Variants in SV2B observed in about 807,000 individuals in gnomAD.
SV2B encodes solute carrier family 22 member B2.
A neutral mutation model predicts 73.9 loss-of-function variants in SV2B; 41 were observed. The ratio of observed to expected loss-of-function variants is 0.56; its 90% CI spans 0.43 to 0.72. SV2B has a LOEUF of 0.72. Among genes scored for constraint, SV2B ranks in the 30% least tolerant of loss-of-function variants. The pLI, the probability that SV2B is intolerant of heterozygous loss-of-function variation, is 0.00. For synonymous variants in SV2B, 314 were observed against 314.2 expected, an observed-to-expected ratio of 1.00 and a Z score of 0.01; for missense variants, 764 against 857.8, an observed-to-expected ratio of 0.89 and a Z score of 1.37.
At chr15:91,221,477 C>G (rs563413486) in intron 1 of SV2B, among the ~76,000 whole-genome samples, 38 of 152,148 alleles carry the variant, frequency 2.5e-4, no homozygotes, top group Admixed American at 1.3e-3. Flanking sequence ...ATCTTAATTA[C>G]ACAGGAATTA....
intron 2 of SV2B, among the ~76,000 whole-genome samples, chr15:91,251,169 C>A (rs752668252): frequency 1.3e-5 from 2 of 152,174 alleles, no homozygotes; most frequent in Non-Finnish European, 1.5e-5. Flanking sequence ...CAATTGATTT[C>A]CAACAAAAGT....
At chr15:91,177,220 C>G (rs2044346852) in intron 1 of SV2B, among the ~76,000 whole-genome samples, 1 of 151,960 alleles carries the variant, frequency 6.6e-6, no homozygotes, top group African/African-American at 2.4e-5. Flanking sequence ...GGCATTATTT[C>G]TGAGGGCTCT....
intron 1 of SV2B, among the ~76,000 whole-genome samples, chr15:91,217,839 T>G (rs924809346): frequency 6.6e-6 from 1 of 152,232 alleles, no homozygotes; most frequent in Non-Finnish European, 1.5e-5. Context: ...AGTGACTTCA[T>G]TCATGCTCCC....
In SV2B at chr15:91,177,296, C is replaced by G. The variant is rs1258903700; in HGVS notation, c.-391-48577C>G. ...ACCATGCTGTTTTGGTTACTGTAGCCTTGTAGTATAGTTTGAAGTCAGGGA... is the reference window on the plus strand; with the variant it reads ...ACCATGCTGTTTTGGTTACTGTAGCGTTGTAGTATAGTTTGAAGTCAGGGA... On this transcript the variant is annotated intron_variant, in intron 1 of 12. Coordinates refer to ENST00000394232, the MANE Select transcript of SV2B (RefSeq NM_001323032.3). 2.6e-5 allele frequency among the ~76,000 whole-genome samples: 4 copies of G among 151,626 alleles called. No individual in the cohort carries two copies. In the East Asian group the frequency reaches 7.7e-4, roughly 29 times the overall value.
chr15:91,155,909 C>T (rs2043474733), intron 1 of SV2B, among the ~76,000 whole-genome samples: 1 of 151,972 alleles, frequency 6.6e-6, no homozygotes, highest in Admixed American at 6.6e-5. Flanking sequence ...CCCACGTGGC[C>T]ACTCTGTAGA....
intron 1 of SV2B, among the ~76,000 whole-genome samples, chr15:91,166,580 T>A (rs533070858): frequency 3.6e-4 from 55 of 152,096 alleles, no homozygotes; most frequent in African/African-American, 1.2e-3. Flanking sequence ...GAGACCCTGA[T>A]AGCATGAATT....
At chr15:91,248,088 G>A (rs1447608736) in intron 2 of SV2B, among the ~76,000 whole-genome samples, 2 of 152,142 alleles carry the variant, frequency 1.3e-5, no homozygotes, top group African/African-American at 4.8e-5. Flanking sequence ...TTGGGAGGCC[G>A]AGGTGGGCGG....
chr15:91,193,487 C>T (rs2045123275), intron 1 of SV2B, among the ~76,000 whole-genome samples: 1 of 152,210 alleles, frequency 6.6e-6, no homozygotes, highest in African/African-American at 2.4e-5. Context: ...GCTTCCTTCT[C>T]TTTCTTGGAG....
In SV2B at chr15:91,117,764, G is replaced by A. The variant is rs762469128; in HGVS notation, c.-392+17401G>A. ...AGTGCGAAAGTATACTCTTCTCACAGTAGAAGACATGGCAAAGTGACATGG... is the reference window on the plus strand; with the variant it reads ...AGTGCGAAAGTATACTCTTCTCACAATAGAAGACATGGCAAAGTGACATGG... On this transcript the variant is annotated intron_variant, in intron 1 of 12. Coordinates refer to ENST00000394232, the MANE Select transcript of SV2B (RefSeq NM_001323032.3). 1.0e-3 allele frequency among the ~76,000 whole-genome samples: 156 copies of A among 152,286 alleles called. 2 individuals are homozygous for A. Among genetic ancestry groups the A allele is most frequent in the Non-Finnish European group, 2.9e-4 (20 of 68,024 alleles).
chr15:91,268,187 AC>A lies in SV2B; in HGVS notation c.1209-250del, dbSNP rs2048171109. Among the ~76,000 whole-genome samples, 1 of 152,314 alleles carries A rather than the reference AC, an allele frequency of 6.6e-6. No homozygotes were observed. The highest frequency in any genetic ancestry group is 1.9e-4 in the East Asian group (1 of 5,190). On this transcript the variant is annotated intron_variant, in intron 8 of 12. Coordinates refer to ENST00000394232, the MANE Select transcript of SV2B (RefSeq NM_001323032.3). This position sits in a 1 kb window ranked among gnomAD's most constrained non-coding sequence, Gnocchi z 4.4. ...TTACATGTTAAGGAGGTGTCCCTCA[AC>A]CCCTAATCTATTGGTGTTTGTATCA... is the stretch of plus-strand genomic sequence containing the variant.
chr15:91,178,570 T>A (rs367561208), intron 1 of SV2B, among the ~76,000 whole-genome samples: 1 of 152,278 alleles, frequency 6.6e-6, no homozygotes, highest in Non-Finnish European at 1.5e-5. Flanking sequence ...CAATTTCAGA[T>A]CCTGTTATTG....
intron 1 of SV2B, among the ~76,000 whole-genome samples, chr15:91,181,354 C>A (rs931036749): frequency 6.6e-6 from 1 of 152,044 alleles, no homozygotes; most frequent in Non-Finnish European, 1.5e-5. Context: ...GTCAGGGACC[C>A]ACTTGAGGAG....
chr15:91,146,999 A>G lies in SV2B; in HGVS notation c.-392+46636A>G, dbSNP rs540655507. Among the ~76,000 whole-genome samples the G allele has an allele frequency of 2.6e-5, 4 of 152,330 alleles. 1 individual carries two copies. The South Asian group carries it at 8.3e-4, about 32-fold the overall frequency. On this transcript the variant is annotated intron_variant, in intron 1 of 12. Coordinates refer to ENST00000394232, the MANE Select transcript of SV2B (RefSeq NM_001323032.3). ...GCTTCTGAGCCATATAACTCAATTCATGAGCCTACACGTTGGCTGTAAGCA... is the reference window on the plus strand; with the variant it reads ...GCTTCTGAGCCATATAACTCAATTCGTGAGCCTACACGTTGGCTGTAAGCA...
At position 91,272,592 on chromosome 15, in the gene SV2B, G is replaced by A. The variant is rs541466734; in HGVS notation, c.1373+3987G>A. ...CAGATGATTTGCCAATGAAGGATGGGAGAAAAGCTCTCTTGAGTTTTTAGT... is the reference window on the plus strand; with the variant it reads ...CAGATGATTTGCCAATGAAGGATGGAAGAAAAGCTCTCTTGAGTTTTTAGT... On this transcript the variant is annotated intron_variant, in intron 9 of 12. Transcript: ENST00000394232. Among the ~76,000 whole-genome samples the A allele has an allele frequency of 4.6e-5, 7 of 152,192 alleles. No individual in the cohort carries two copies. The East Asian group carries it at 1.4e-3, about 29-fold the overall frequency.
chr15:91,165,441 A>T (rs944040165), intron 1 of SV2B, among the ~76,000 whole-genome samples: 3 of 152,200 alleles, frequency 2.0e-5, no homozygotes, highest in African/African-American at 7.2e-5. Flanking sequence ...TTTACATAGC[A>T]CTTATATTGT....
At chr15:91,202,772 G>T (rs2045506225) in intron 1 of SV2B, among the ~76,000 whole-genome samples, 1 of 152,164 alleles carries the variant, frequency 6.6e-6, no homozygotes, top group Non-Finnish European at 1.5e-5. Context: ...TGCTGAAGCT[G>T]GAAAGGTTGT....
chr15:91,102,893 C>T (rs1256205480), intron 1 of SV2B, among the ~76,000 whole-genome samples: 2 of 152,074 alleles, frequency 1.3e-5, no homozygotes, highest in African/African-American at 2.4e-5. Flanking sequence ...GGGAGGAAGC[C>T]AGAGGTTGCA....
chr15:91,230,654 T>TCG (rs2046541381), intron 2 of SV2B, among the ~76,000 whole-genome samples: 1 of 152,240 alleles, frequency 6.6e-6, no homozygotes, highest in Non-Finnish European at 1.5e-5. Flanking sequence ...CCTTCAACTC[T>TCG]CAATGAAGAA....
chr15:91,178,886 A>T (rs2044436159), intron 1 of SV2B, among the ~76,000 whole-genome samples: 1 of 145,712 alleles, frequency 6.9e-6, no homozygotes. Flanking sequence ...TTGTGTCTCT[A>T]TTTCCTTCAG....
Sources: allele counts gnomAD v4.1 joint callset (sites outside exome capture counted in the v4.1 genomes callset), GRCh38; gene constraint gnomAD v4.1.1; non-coding constraint Gnocchi (gnomAD v3.1); transcripts MANE v1.5; gene names NCBI Gene and HGNC (gene_info 2026-07-23, HGNC 2026-07-21).